MRPS27: variants seen among roughly 807,000 people sequenced by gnomAD.
MRPS27 encodes small ribosomal subunit protein mS27.
In MRPS27, 43 loss-of-function variants were observed where a neutral mutation model predicts 48.9. That is an observed-to-expected ratio of 0.88 (90% CI 0.69 to 1.13). The LOEUF is 1.13. MRPS27 is among the 50% of genes most tolerant of loss of function. MRPS27 has a pLI of 0.00. For synonymous variants in MRPS27, 188 were observed against 171.9 expected (o/e 1.09, Z -0.73); for missense variants, 467 against 476.3 (o/e 0.98, Z 0.18).
chr5:72,275,699 G>C, intron 4 of MRPS27, among the ~76,000 whole-genome samples: 1 of 152,180 alleles, frequency 6.6e-6, no homozygotes, highest in East Asian at 1.9e-4. Context: ...TGCCATGACA[G>C]CATACCTGAA....
intron 2 of MRPS27, among the ~76,000 whole-genome samples, chr5:72,301,864 C>A (rs1277665676): frequency 1.3e-5 from 2 of 152,244 alleles, no homozygotes; most frequent in Non-Finnish European, 2.9e-5. Flanking sequence ...AAAGCTGGGA[C>A]AGCTGCGGCG....
chr5:72,298,755 T>C (rs1750052981), intron 2 of MRPS27, among the ~76,000 whole-genome samples: 1 of 149,860 alleles, frequency 6.7e-6, no homozygotes, highest in Admixed American at 6.6e-5. Flanking sequence ...TACCATTTGA[T>C]TCAGCAATCC....
intron 4 of MRPS27, among the ~76,000 whole-genome samples, chr5:72,265,050 C>A (rs1749075529): frequency 6.6e-6 from 1 of 152,180 alleles, no homozygotes; most frequent in Non-Finnish European, 1.5e-5. Context: ...CGGCTTAAGG[C>A]AGCAACAAGA....
chr5:72,244,315 A>T (rs1332608816), intron 4 of MRPS27, among the ~76,000 whole-genome samples: 1 of 152,216 alleles, frequency 6.6e-6, no homozygotes, highest in Non-Finnish European at 1.5e-5. Context: ...GAAGATAGAT[A>T]ACAGAGGGAC....
chr5:72,317,452 G>A (rs1380274961), intron 1 of MRPS27, among the ~76,000 whole-genome samples: 1 of 152,102 alleles, frequency 6.6e-6, no homozygotes, highest in Non-Finnish European at 1.5e-5. Context: ...TCAGCTCACT[G>A]CAACCGGAAG....
chr5:72,244,848 T>C (rs1748467550), intron 4 of MRPS27, among the ~76,000 whole-genome samples: 1 of 150,132 alleles, frequency 6.7e-6, no homozygotes, highest in South Asian at 2.1e-4. Context: ...AAAATACCTA[T>C]AGACAGACTG....
At chr5:72,269,603 G>T (rs1401715635) in intron 4 of MRPS27, among the ~76,000 whole-genome samples, 2 of 152,134 alleles carry the variant, frequency 1.3e-5, no homozygotes, top group Admixed American at 1.3e-4. Context: ...ACACAAATAA[G>T]AAATTAGTAA....
At chr5:72,277,952 G>C (rs900318716) in intron 4 of MRPS27, among the ~76,000 whole-genome samples, 4 of 152,132 alleles carry the variant, frequency 2.6e-5, no homozygotes, top group African/African-American at 7.2e-5. Flanking sequence ...GGGTGGAGGA[G>C]GGAGAGTATC....
intron 4 of MRPS27, among the ~76,000 whole-genome samples, chr5:72,250,879 C>G (rs1262009424): frequency 2.0e-5 from 3 of 152,202 alleles, no homozygotes; most frequent in African/African-American, 4.8e-5. Flanking sequence ...AAGATATCAG[C>G]ATCAGAGAGA....
chr5:72,253,823 G>A (rs986885415), intron 4 of MRPS27, among the ~76,000 whole-genome samples: 1 of 152,076 alleles, frequency 6.6e-6, no homozygotes, highest in Admixed American at 6.5e-5. Flanking sequence ...TTTTTTCCTG[G>A]AAAAGTCACT....
rs539647659 is a variant in MRPS27 at position 72,222,846 on chromosome 5, C to T, written c.1005+837G>A. ...GGAGAAATTGCTGCTAAAAATACAACAGGCTCCTCCTTACAACACTGGGAA... is the reference window on the plus strand; with the variant it reads ...GGAGAAATTGCTGCTAAAAATACAATAGGCTCCTCCTTACAACACTGGGAA... On this transcript the variant is annotated intron_variant, in intron 10 of 10. Transcript: ENST00000261413. 2.0e-5 allele frequency among the ~76,000 whole-genome samples: 3 copies of T among 152,300 alleles called. No homozygotes were observed. The South Asian group carries it at 6.2e-4, about 32-fold the overall frequency.
At chr5:72,229,982 A>G (rs973739563) in intron 7 of MRPS27, among the ~76,000 whole-genome samples, 2 of 152,096 alleles carry the variant, frequency 1.3e-5, no homozygotes, top group African/African-American at 4.8e-5. Context: ...AACTTATGGG[A>G]TCAAGGGATC....
chr5:72,227,745 C>T (rs1451980105), intron 8 of MRPS27: 1 of 153,300 alleles, frequency 6.5e-6, no homozygotes, highest in East Asian at 1.9e-4. Context: ...AGAGGAAAGC[C>T]ACCACTGCAC....
At chr5:72,299,326 A>T (rs1484362967) in intron 2 of MRPS27, among the ~76,000 whole-genome samples, 1 of 151,832 alleles carries the variant, frequency 6.6e-6, no homozygotes, top group South Asian at 2.1e-4. Flanking sequence ...AAGAAAAAAA[A>T]AAAAGACCTG....
intron 10 of MRPS27, among the ~76,000 whole-genome samples, chr5:72,222,932 A>C (rs558025086): frequency 1.1e-4 from 17 of 152,394 alleles, no homozygotes; most frequent in Admixed American, 1.1e-3. Context: ...ACATCTTATC[A>C]GTACCAAAAT....
intron 4 of MRPS27, among the ~76,000 whole-genome samples, chr5:72,285,782 A>G (rs1749656437): frequency 6.6e-6 from 1 of 152,206 alleles, no homozygotes; most frequent in South Asian, 2.1e-4. Flanking sequence ...ACCTCAGTCA[A>G]CCAAAGTGTT....
intron 4 of MRPS27, among the ~76,000 whole-genome samples, chr5:72,292,611 T>C (rs1325233534): frequency 6.6e-6 from 1 of 152,222 alleles, no homozygotes; most frequent in Non-Finnish European, 1.5e-5. Context: ...TTTACTTGTG[T>C]GCCTGATGCA....
At chr5:72,291,243 C>T (rs191619795) in intron 4 of MRPS27, among the ~76,000 whole-genome samples, 1 of 152,162 alleles carries the variant, frequency 6.6e-6, no homozygotes, top group African/African-American at 2.4e-5. Flanking sequence ...GTATTTAAAA[C>T]CCAAAAAACC....
At position 72,295,494 on chromosome 5, in the gene MRPS27, T is replaced by C. The variant is rs765915040; in HGVS notation, c.281+37A>G. 5.3e-6 allele frequency: 8 copies of C among 1,507,096 alleles called. No individual in the cohort carries two copies. In the East Asian group the frequency reaches 1.6e-4, roughly 30 times the overall value. 93.4% of individuals were successfully genotyped at this position (1,507,096 alleles called of 1,614,324 possible). ...TTTTATGTAAAAAAGGGGTGTGAAA[T>C]CACAGAGTACATAGCCAAATCAAAT... On this transcript the variant is annotated intron_variant, in intron 4 of 10. Transcript: ENST00000261413.
Sources: allele counts gnomAD v4.1 joint callset (sites outside exome capture counted in the v4.1 genomes callset), GRCh38; gene constraint gnomAD v4.1.1; transcripts MANE v1.5; gene names NCBI Gene and HGNC (gene_info 2026-07-23, HGNC 2026-07-21).